Variants in LAMB1 observed in about 807,000 individuals in gnomAD.
The protein encoded by LAMB1 is laminin subunit beta-1.
Under a neutral mutation model 222.3 loss-of-function variants are expected in LAMB1, and 121 were observed. That is an observed-to-expected ratio of 0.54 (90% CI 0.47 to 0.63). The LOEUF is 0.63. Ranked by LOEUF, LAMB1 falls within the 30% of genes least tolerant of loss-of-function variation. LAMB1 has a pLI of 0.00. For synonymous variants in LAMB1, 794 were observed against 807.2 expected (o/e 0.98, Z 0.28); for missense variants, 2,172 against 2,240.8 (o/e 0.97, Z 0.62).
At chr7:107,961,010 A>T (rs997836558) in intron 17 of LAMB1, among the ~76,000 whole-genome samples, 196 bp downstream of exon 17, 5 of 152,042 alleles carry the variant, frequency 3.3e-5, no homozygotes, top group Non-Finnish European at 7.4e-5. Context: ...TGTTTTTTTT[A>T]AAAGACATTT....
intron 14 of LAMB1, among the ~76,000 whole-genome samples, chr7:107,963,959 G>A (rs373941216): frequency 9.1e-4 from 138 of 152,324 alleles, no homozygotes; most frequent in Non-Finnish European, 1.6e-3. Context: ...TTAGCCAGGC[G>A]TGGTGGCACA....
intron 9 of LAMB1, among the ~76,000 whole-genome samples, chr7:107,977,842 A>G (rs2033898325): frequency 6.6e-6 from 1 of 152,214 alleles, no homozygotes; most frequent in African/African-American, 2.4e-5. Context: ...TACTCAGCTC[A>G]GTGTCAAACA....
intron 22 of LAMB1, among the ~76,000 whole-genome samples, chr7:107,952,941 C>T (rs1315373316): frequency 6.6e-6 from 1 of 151,250 alleles, no homozygotes; most frequent in South Asian, 2.1e-4. Flanking sequence ...ACCATCAGTA[C>T]CCTCTACTGG....
intron 25 of LAMB1, among the ~76,000 whole-genome samples, chr7:107,938,349 T>G (rs1245464690): frequency 1.3e-5 from 2 of 152,192 alleles, no homozygotes; most frequent in Non-Finnish European, 2.9e-5. Flanking sequence ...TTTCAGTGCT[T>G]TGCTTTTATT....
chr7:107,932,210 C>G lies in LAMB1; in HGVS notation c.4356G>C (p.Leu1452=). 4 of 1,614,250 alleles carry G rather than the reference C, an allele frequency of 2.5e-6. No individual in the cohort carries two copies. Among genetic ancestry groups the G allele is most frequent in the Non-Finnish European group, 3.4e-6 (4 of 1,180,054 alleles). ...QKAMDLDQDV[L]SALAEVEQLS... ...GCTGTTCCACTTCAGCCAGGGCACT[C>G]AGGACATCTTGGTCCAAGTCCATGG... is the stretch of plus-strand genomic sequence containing the variant. The change falls in exon 28 of 34, where the codon CTG becomes CTC. Residue 1452 remains leucine (L), a synonymous_variant. Coordinates refer to ENST00000222399, the MANE Select transcript of LAMB1 (RefSeq NM_002291.3).
Position 107,998,360 on chromosome 7 carries a change from T to A in LAMB1, c.346A>T (p.Asn116Tyr), listed in dbSNP as rs2034318876. 1 of 1,613,926 alleles carries A rather than the reference T, an allele frequency of 6.2e-7. No homozygotes were observed. Among genetic ancestry groups the A allele is most frequent in the East Asian group, 2.2e-5 (1 of 44,868 alleles). Reference protein sequence around the residue: ...NRLKIWWQSENGVENVTIQLD... With the variant: ...NRLKIWWQSEYGVENVTIQLD... Reference sequence around the variant, plus strand: ...TGTCCCCACACCAACCACATACCATTTTCAGATTGCCACCAAATCTTAAGG... The same window carrying A: ...TGTCCCCACACCAACCACATACCATATTCAGATTGCCACCAAATCTTAAGG... The change falls in exon 4 of 34, where the codon AAT becomes TAT. Residue 116 changes from asparagine to tyrosine, a missense_variant. By Grantham distance (143) the Asn-to-Tyr change is moderately radical. Coordinates refer to ENST00000222399, the MANE Select transcript of LAMB1 (RefSeq NM_002291.3).
intron 31 of LAMB1, among the ~76,000 whole-genome samples, chr7:107,928,236 G>A (rs574077826): frequency 6.6e-6 from 1 of 152,252 alleles, no homozygotes; most frequent in East Asian, 1.9e-4. Flanking sequence ...AAAACATTAA[G>A]TTTTCCATGC....
At chr7:108,002,826 C>A (rs1168890065) in intron 2 of LAMB1, 23 bp downstream of exon 2, 2 of 1,614,092 alleles carry the variant, frequency 1.2e-6, no homozygotes, top group South Asian at 2.2e-5. Flanking sequence ...GTCCGCCTCC[C>A]CGCACCGTTT....
intron 5 of LAMB1, among the ~76,000 whole-genome samples, chr7:107,992,575 G>C (rs2034205316): frequency 6.6e-6 from 1 of 152,166 alleles, no homozygotes; most frequent in African/African-American, 2.4e-5. Context: ...TATCCGCCAG[G>C]GCAACAAGAT....
intron 29 of LAMB1, 69 bp downstream of exon 29, chr7:107,931,287 T>A: frequency 7.1e-7 from 1 of 1,401,642 alleles, no homozygotes; most frequent in Non-Finnish European, 1.0e-6. Flanking sequence ...GAAATGGATT[T>A]TATCTAAAAT....
At chr7:107,996,845 G>A (rs1229011947) in intron 4 of LAMB1, among the ~76,000 whole-genome samples, 2 of 152,284 alleles carry the variant, frequency 1.3e-5, no homozygotes, top group African/African-American at 2.4e-5. Flanking sequence ...TTCTTCAAAC[G>A]GTCTTTCACT....
chr7:107,928,617 C>T (rs1182152662), intron 31 of LAMB1, among the ~76,000 whole-genome samples: 2 of 152,088 alleles, frequency 1.3e-5, no homozygotes, highest in African/African-American at 2.4e-5. Context: ...CTTAGCCTCC[C>T]AGGTAGCTGG....
At chr7:107,958,283 G>A (rs968829402) in intron 20 of LAMB1, among the ~76,000 whole-genome samples, 7 of 152,120 alleles carry the variant, frequency 4.6e-5, no homozygotes, top group Non-Finnish European at 1.0e-4. Flanking sequence ...AGGTTGGAAG[G>A]GATAATTTTT....
At chr7:107,987,999 T>C (rs1017297353) in intron 5 of LAMB1, among the ~76,000 whole-genome samples, 6 of 152,186 alleles carry the variant, frequency 3.9e-5, no homozygotes, top group African/African-American at 1.4e-4. Flanking sequence ...AAATAACTCT[T>C]GTGGTAGTTA....
chr7:107,988,348 G>A (rs79811021), intron 5 of LAMB1, among the ~76,000 whole-genome samples: 15,983 of 152,202 alleles, frequency 0.11, 950 homozygotes, highest in Admixed American at 0.16. Context: ...GGAAAAAGTG[G>A]TCTGGCACTC....
intron 4 of LAMB1, among the ~76,000 whole-genome samples, chr7:107,996,206 C>T (rs1370728285): frequency 6.6e-6 from 1 of 152,074 alleles, no homozygotes; most frequent in African/African-American, 2.4e-5. Flanking sequence ...AAGACTAGTG[C>T]CATTTCTGTA....
intron 2 of LAMB1, chr7:108,002,175 TGA>T: frequency 2.1e-6 from 3 of 1,408,938 alleles, no homozygotes; most frequent in Non-Finnish European, 2.8e-6. Context: ...ATCCTCGGTG[TGA>T]GTGTGCGCGT....
At chr7:107,961,812 C>T (rs1482675732) in intron 15 of LAMB1, 136 bp from the exon 16 acceptor site, 5 of 1,001,228 alleles carry the variant, frequency 5.0e-6, no homozygotes, top group Admixed American at 2.2e-5. Context: ...TTTACTACTA[C>T]CTCTGCTACT....
At position 107,955,581 on chromosome 7, in the gene LAMB1, A is replaced by G; in HGVS notation, c.2740T>C (p.Cys914Arg). The change falls in exon 21 of 34, where the codon TGC becomes CGC. Residue 914 changes from cysteine to arginine, a missense_variant. Physicochemically the swap from Cys to Arg is radical, Grantham distance 180. Coordinates refer to ENST00000222399, the MANE Select transcript of LAMB1 (RefSeq NM_002291.3). ...GDPIIGSGDH[C>R]RPCPCPDGPD... ...CCATCTGGGCAAGGGCAAGGGCGGC[A>G]GTGATCTCCTGACCCAATGATGGGG... 1 of 1,614,124 alleles carries G rather than the reference A, an allele frequency of 6.2e-7. No homozygotes were observed. Among genetic ancestry groups the G allele is most frequent in the Non-Finnish European group, 8.5e-7 (1 of 1,180,016 alleles).
Sources: gnomAD v4.1 joint callset for allele counts (sites outside exome capture counted in the v4.1 genomes callset) on GRCh38, gnomAD v4.1.1 for gene constraint, MANE v1.5 for transcripts, NCBI Gene and HGNC (gene_info 2026-07-23, HGNC 2026-07-21) for gene names.